GJB7: variants seen among roughly 807,000 people sequenced by gnomAD.
GJB7 encodes gap junction beta-7 protein.
For synonymous variants in GJB7, 87 were observed against 95.2 expected (o/e 0.91, Z 0.50); for missense variants, 253 against 256.8 (o/e 0.99, Z 0.10).
intron 2 of GJB7, among the ~76,000 whole-genome samples, chr6:87,307,023 G>T (rs1339320459): frequency 6.6e-6 from 1 of 152,088 alleles, no homozygotes. Context: ...GGGGTCTGTT[G>T]TAGGGTGGGG....
chr6:87,322,702 C>T (rs1443955466), intron 2 of GJB7, 164 bp downstream of exon 2: 1 of 152,252 alleles, frequency 6.6e-6, no homozygotes, highest in Non-Finnish European at 1.5e-5. Context: ...GCCGCACCAT[C>T]ACGCTCCCGT....
chr6:87,299,514 G>T (rs930696999), intron 2 of GJB7: 54 of 357,404 alleles, frequency 1.5e-4, no homozygotes, highest in South Asian at 8.6e-4. Flanking sequence ...CTAGTGTCCA[G>T]ACCACTGTAC....
chr6:87,310,040 G>A (rs1776493719), intron 2 of GJB7, among the ~76,000 whole-genome samples: 1 of 152,144 alleles, frequency 6.6e-6, no homozygotes, highest in Admixed American at 6.5e-5. Flanking sequence ...TGGTGATGCT[G>A]CAGTGTAATG....
At chr6:87,308,945 G>A (rs1776473640) in intron 2 of GJB7, among the ~76,000 whole-genome samples, 1 of 152,120 alleles carries the variant, frequency 6.6e-6, no homozygotes, top group African/African-American at 2.4e-5. Flanking sequence ...AATCTTATAG[G>A]GAACACATCT....
Position 87,328,303 on chromosome 6 carries a change from G to T in GJB7, c.-206+835C>A, listed in dbSNP as rs1461365231. Among the ~76,000 whole-genome samples, 10 of 152,304 alleles carry T rather than the reference G, an allele frequency of 6.6e-5. No homozygotes were observed. The South Asian group carries it at 1.9e-3, about 28-fold the overall frequency. ...TGTTCCGTTGCTCGTGAGGAACTGC[G>T]TTCCTTTGGAGGAGGAGAGGCACTC... On this transcript the variant is annotated intron_variant, in intron 1 of 2. Transcript: ENST00000525899.
chr6:87,327,445 GC>G (rs768762411), intron 1 of GJB7, among the ~76,000 whole-genome samples: 115 of 152,106 alleles, frequency 7.6e-4, no homozygotes, highest in Non-Finnish European at 1.1e-3. Flanking sequence ...TTTAGGGCAG[GC>G]CTGCTGGTCA....
intron 2 of GJB7, among the ~76,000 whole-genome samples, chr6:87,319,849 A>T (rs994722163): frequency 2.0e-5 from 3 of 152,256 alleles, no homozygotes; most frequent in African/African-American, 4.8e-5. Context: ...AGCCATAAAA[A>T]ACAATTTGCA....
At chr6:87,323,425 TC>T (rs1289321341) in intron 1 of GJB7, among the ~76,000 whole-genome samples, 1 of 66,226 alleles carries the variant, frequency 1.5e-5, no homozygotes, top group African/African-American at 6.2e-5. Flanking sequence ...CCCTCCCCCC[TC>T]CCCCCACCCC....
Position 87,284,465 on chromosome 6 carries a change from T to C in GJB7, c.448A>G (p.Ser150Gly). Residue 150 changes from serine (S) to glycine (G), a missense_variant, in exon 3 of 3, where the codon AGT becomes GGT. Ser to Gly is a moderately conservative substitution (Grantham distance 56). Coordinates refer to ENST00000525899, the MANE Select transcript of GJB7 (RefSeq NM_198568.3). ...VLFYKLYDGF[S>G]VPYLIKCDLK... Reference sequence around the variant, plus strand: ...TCACACTTTATAAGGTAGGGAACACTAAAGCCATCATATAGCTTATAAAAT... The same window carrying C: ...TCACACTTTATAAGGTAGGGAACACCAAAGCCATCATATAGCTTATAAAAT... 6.2e-7 allele frequency: 1 copy of C among 1,613,962 alleles called. No individual in the cohort carries two copies. The highest frequency in any genetic ancestry group is 8.5e-7 in the Non-Finnish European group (1 of 1,179,868).
chr6:87,288,480 G>A (rs368487700), intron 2 of GJB7, among the ~76,000 whole-genome samples: 2 of 152,266 alleles, frequency 1.3e-5, no homozygotes, highest in South Asian at 4.2e-4. Context: ...ATATGTCAAT[G>A]ACTCCCAAAT....
Position 87,283,757 on chromosome 6 carries a change from C to A in GJB7, c.*484G>T, listed in dbSNP as rs1007815014. On this transcript the variant is annotated 3_prime_UTR_variant, in exon 3 of 3. Coordinates refer to ENST00000525899, the MANE Select transcript of GJB7 (RefSeq NM_198568.3). ...AGGCCATCACATTTGCCTAAAGTGTCACTTTTTATATTTTCCAGTTCATTG... is the reference window on the plus strand; with the variant it reads ...AGGCCATCACATTTGCCTAAAGTGTAACTTTTTATATTTTCCAGTTCATTG... 3.9e-5 allele frequency: 6 copies of A among 152,966 alleles called. No homozygotes were observed. Among genetic ancestry groups the A allele is most frequent in the African/African-American group, 1.2e-4 (5 of 41,370 alleles). The allele number at this position is 152,966 out of a possible 1,614,324, so 9.5% of individuals were successfully genotyped here. A position where few individuals can be genotyped will look rare whatever the true frequency, so the allele number is the denominator to read the frequency against.
chr6:87,293,951 G>C (rs904275557), intron 2 of GJB7, among the ~76,000 whole-genome samples: 3 of 152,158 alleles, frequency 2.0e-5, no homozygotes, highest in Admixed American at 2.0e-4. Context: ...TTACAAGTTG[G>C]ATCTTTATGG....
At chr6:87,325,962 A>C (rs1052753116) in intron 1 of GJB7, among the ~76,000 whole-genome samples, 15 of 152,254 alleles carry the variant, frequency 9.9e-5, no homozygotes, top group African/African-American at 1.4e-4. Context: ...TTGGTCTATT[A>C]AGAGATTCAA....
chr6:87,320,193 G>A (rs1345071943), intron 2 of GJB7, among the ~76,000 whole-genome samples: 1 of 152,160 alleles, frequency 6.6e-6, no homozygotes, highest in African/African-American at 2.4e-5. Context: ...TAACATAAAT[G>A]ATAAATCCTC....
chr6:87,284,975 T>C, intron 2 of GJB7, 36 bp from the exon 3 acceptor site: 1 of 1,296,226 alleles, frequency 7.7e-7, no homozygotes, highest in African/African-American at 1.5e-5. Flanking sequence ...GATCCATTTA[T>C]TTCTATTCTA....
At position 87,317,290 on chromosome 6, in the gene GJB7, G is replaced by A. The variant is rs1776597620; in HGVS notation, c.-28+5576C>T. Among the ~76,000 whole-genome samples, 8 of 152,116 alleles carry A rather than the reference G, an allele frequency of 5.3e-5. No homozygotes were observed. The South Asian group carries it at 1.7e-3, about 32-fold the overall frequency. ...GAGGTACAAGAATTGCTTGAGCCTGGGAGGCAGAGATTGCAGTGAGTTAAG... is the reference window on the plus strand; with the variant it reads ...GAGGTACAAGAATTGCTTGAGCCTGAGAGGCAGAGATTGCAGTGAGTTAAG... On this transcript the variant is annotated intron_variant, in intron 2 of 2. Transcript: ENST00000525899.
chr6:87,290,176 C>CA (rs887083505), intron 2 of GJB7, among the ~76,000 whole-genome samples: 1 of 152,132 alleles, frequency 6.6e-6, no homozygotes, highest in Non-Finnish European at 1.5e-5. Context: ...CTGAAAAACT[C>CA]AAAGAGGTGG....
chr6:87,319,926 T>C (rs1776631838), intron 2 of GJB7, among the ~76,000 whole-genome samples: 1 of 152,134 alleles, frequency 6.6e-6, no homozygotes, highest in Non-Finnish European at 1.5e-5. Flanking sequence ...AGACAAACTT[T>C]GCATGTTCTC....
rs970104898 is a variant in GJB7 at position 87,283,954 on chromosome 6, C to A, written c.*287G>T. Reference sequence around the variant, plus strand: ...CTAATGTTATCCACATACTGGAGAACCCTACAACAAAACAATGAGACCTCT... The same window carrying A: ...CTAATGTTATCCACATACTGGAGAAACCTACAACAAAACAATGAGACCTCT... On this transcript the variant is annotated 3_prime_UTR_variant, in exon 3 of 3. Coordinates refer to ENST00000525899, the MANE Select transcript of GJB7 (RefSeq NM_198568.3). 4 of 311,102 alleles carry A rather than the reference C, an allele frequency of 1.3e-5. No individual in the cohort carries two copies. Among genetic ancestry groups the A allele is most frequent in the Admixed American group, 4.5e-5 (1 of 22,156 alleles). 19.3% of individuals were successfully genotyped at this position (311,102 alleles called of 1,614,324 possible).
Sources: gnomAD v4.1 joint callset for allele counts (sites outside exome capture counted in the v4.1 genomes callset) on GRCh38, gnomAD v4.1.1 for gene constraint, MANE v1.5 for transcripts, NCBI Gene and HGNC (gene_info 2026-07-23, HGNC 2026-07-21) for gene names.